Variants in AFTPH observed in about 807,000 individuals in gnomAD.
AFTPH encodes aftiphilin, also known as aftiphilin protein.
A neutral mutation model predicts 72.5 loss-of-function variants in AFTPH; 7 were observed. The ratio of observed to expected loss-of-function variants is 0.10; its 90% CI spans 0.05 to 0.18. The LOEUF (loss-of-function observed/expected upper bound fraction) is 0.18, where lower values mean the gene tolerates loss of function less well. AFTPH is among the 10% of genes least tolerant of loss of function. AFTPH has a pLI of 1.00. For synonymous variants in AFTPH, 337 were observed against 370.1 expected (o/e 0.91, Z 1.03); for missense variants, 979 against 1,060.5 (o/e 0.92, Z 1.07).
chr2:64,550,820 A>T (rs1193909062), intron 1 of AFTPH, among the ~76,000 whole-genome samples: 1 of 151,784 alleles, frequency 6.6e-6, no homozygotes, highest in Non-Finnish European at 1.5e-5. Flanking sequence ...TATGGTTATT[A>T]CCTTATTACT....
intron 1 of AFTPH, among the ~76,000 whole-genome samples, chr2:64,540,984 C>A (rs554369527): frequency 6.6e-6 from 1 of 152,020 alleles, no homozygotes; most frequent in East Asian, 1.9e-4. Flanking sequence ...TAATATTTGC[C>A]GTCAATCACG....
chr2:64,557,056 CTTTTTTATGAG>C (rs1181536743), intron 2 of AFTPH, among the ~76,000 whole-genome samples: 2 of 152,056 alleles, frequency 1.3e-5, no homozygotes, highest in Admixed American at 1.3e-4. Flanking sequence ...CAAAGCAGTC[CTTTTTTATGAG>C]TGTTATTTTA....
intron 1 of AFTPH, among the ~76,000 whole-genome samples, chr2:64,525,011 C>G (rs945360006): frequency 1.3e-5 from 2 of 152,228 alleles, no homozygotes; most frequent in Non-Finnish European, 2.9e-5. Context: ...CTCCTTCCCC[C>G]TCCCTCGTGA....
intron 1 of AFTPH, among the ~76,000 whole-genome samples, chr2:64,536,951 CAAAAA>C (rs70937353): frequency 9.8e-5 from 8 of 81,808 alleles, no homozygotes; most frequent in South Asian, 3.8e-4. Context: ...GACTCTGTCT[CAAAAA>C]AAAAAAAAAA....
intron 1 of AFTPH, among the ~76,000 whole-genome samples, chr2:64,549,304 C>T (rs1027539782): frequency 7.5e-6 from 1 of 133,242 alleles, no homozygotes; most frequent in African/African-American, 3.0e-5. Context: ...GCTGTTAGTC[C>T]TCCCTTTTTT....
At chr2:64,567,599 C>A in exon 3 of AFTPH, 1 of 1,613,102 alleles carries the variant, frequency 6.2e-7, no homozygotes, top group Non-Finnish European at 8.5e-7. Context: ...ATTTTCGAAG[C>A]ATGTTTTCCT....
chr2:64,529,059 C>A (rs953340580), intron 1 of AFTPH, among the ~76,000 whole-genome samples: 1 of 152,122 alleles, frequency 6.6e-6, no homozygotes, highest in African/African-American at 2.4e-5. Context: ...AGGACAGTTT[C>A]TTGAATTGGA....
chr2:64,575,699 GTATA>G (rs200864520), intron 6 of AFTPH, among the ~76,000 whole-genome samples: 6 of 120,512 alleles, frequency 5.0e-5, no homozygotes, highest in Non-Finnish European at 6.8e-5. Flanking sequence ...ATGTATGTGT[GTATA>G]TGTGTGTGTG....
intron 1 of AFTPH, among the ~76,000 whole-genome samples, chr2:64,526,495 CTAATT>C (rs1489642098): frequency 3.3e-5 from 5 of 152,094 alleles, no homozygotes; most frequent in African/African-American, 4.8e-5. Flanking sequence ...TGTTTATATT[CTAATT>C]TAATGTTACC....
chr2:64,592,881 A>G (rs536483803), exon 9 of AFTPH: 3 of 152,654 alleles, frequency 2.0e-5, no homozygotes, highest in African/African-American at 4.8e-5. Context: ...GGAAATTCCT[A>G]TGGAAAAAAG....
At chr2:64,544,481 C>G (rs1213279788) in intron 1 of AFTPH, among the ~76,000 whole-genome samples, 2 of 152,164 alleles carry the variant, frequency 1.3e-5, no homozygotes, top group East Asian at 3.8e-4. Context: ...CTATTTGGGA[C>G]TCCTTGTGGT....
intron 1 of AFTPH, among the ~76,000 whole-genome samples, chr2:64,546,665 C>G (rs1670646811): frequency 6.6e-6 from 1 of 152,008 alleles, no homozygotes; most frequent in African/African-American, 2.4e-5. Context: ...GACTGCCAGC[C>G]TGATGCCCCA....
intron 1 of AFTPH, among the ~76,000 whole-genome samples, chr2:64,544,159 C>T (rs571656465): frequency 6.6e-6 from 1 of 152,300 alleles, no homozygotes; most frequent in South Asian, 2.1e-4. Flanking sequence ...TATTTTTATT[C>T]ACCTATATTG....
chr2:64,547,054 A>AATAC (rs576089102), intron 1 of AFTPH, among the ~76,000 whole-genome samples: 248 of 152,016 alleles, frequency 1.6e-3, no homozygotes, highest in African/African-American at 5.5e-3. Context: ...GTCTCAAAAA[A>AATAC]ATACATACAT....
At chr2:64,552,845 T>C (rs760966145) in exon 2 of AFTPH, 43 of 1,614,196 alleles carry the variant, frequency 2.7e-5, no homozygotes, top group Non-Finnish European at 3.0e-5. Context: ...ATTCAATGAG[T>C]GATGCCACTT....
intron 8 of AFTPH, among the ~76,000 whole-genome samples, chr2:64,588,143 A>C (rs1458481614): frequency 6.6e-6 from 1 of 151,976 alleles, no homozygotes; most frequent in East Asian, 1.9e-4. Flanking sequence ...GGCAACTACT[A>C]ATCTGCTTTC....
chr2:64,565,083 C>T (rs564319117), intron 2 of AFTPH, among the ~76,000 whole-genome samples: 1 of 152,044 alleles, frequency 6.6e-6, no homozygotes, highest in Non-Finnish European at 1.5e-5. Context: ...AAGCAATCCA[C>T]CCGCCTCGGC....
At chr2:64,576,787 T>C (rs1016137830) in intron 6 of AFTPH, among the ~76,000 whole-genome samples, 5 of 152,098 alleles carry the variant, frequency 3.3e-5, no homozygotes, top group African/African-American at 1.2e-4. Context: ...AAACAAGAGT[T>C]TTGCTCTGTT....
chr2:64,542,659 T>G (rs1402481819), intron 1 of AFTPH, among the ~76,000 whole-genome samples: 1 of 151,488 alleles, frequency 6.6e-6, no homozygotes, highest in Non-Finnish European at 1.5e-5. Context: ...AATTATATAG[T>G]TATATAAGTC....
Sources: gnomAD v4.1 joint callset for allele counts (sites outside exome capture counted in the v4.1 genomes callset) on GRCh38, gnomAD v4.1.1 for gene constraint, MANE v1.5 for transcripts, NCBI Gene and HGNC (gene_info 2026-07-23, HGNC 2026-07-21) for gene names.